The following MYO1G variants were observed in gnomAD, a reference collection of about 807,000 sequenced individuals.
MYO1G encodes unconventional myosin-Ig.
A neutral mutation model predicts 115.3 loss-of-function variants in MYO1G; 65 were observed. The observed-to-expected ratio is 0.56, with a 90% CI of 0.46 to 0.69. MYO1G has a LOEUF of 0.69. Ranked by LOEUF, MYO1G falls within the 30% of genes least tolerant of loss-of-function variation. The probability of loss-of-function intolerance (pLI) is 0.00; values close to 1 mark genes in which losing one functional copy is unlikely to be tolerated. For synonymous variants in MYO1G, 510 were observed against 552.6 expected (o/e 0.92, Z 1.08); for missense variants, 1,204 against 1,393.5 (o/e 0.86, Z 2.16).
intron 4 of MYO1G, 48 bp downstream of exon 4, chr7:44,975,436 G>T (rs1373605879): frequency 6.3e-7 from 1 of 1,577,784 alleles, no homozygotes; most frequent in South Asian, 1.2e-5. Context: ...CCTGGGATGG[G>T]TCTCGGCCAG....
chr7:44,965,429 T>G (rs1794821961), intron 17 of MYO1G, among the ~76,000 whole-genome samples: 1 of 152,188 alleles, frequency 6.6e-6, no homozygotes, highest in Non-Finnish European at 1.5e-5. Context: ...CCCTGGACCT[T>G]GAATGCCCAC....
Position 44,969,699 on chromosome 7 carries a change from G to T in MYO1G, c.1503+6C>A. On this transcript the variant is annotated splice_donor_region_variant and intron_variant, in intron 11 of 21. Coordinates refer to ENST00000258787, the MANE Select transcript of MYO1G (RefSeq NM_033054.3). The surrounding 1 kb of genome is among the most constrained non-coding windows in gnomAD (Gnocchi z 5.0). Reference sequence around the variant, plus strand: ...ACTGTGGTGGCACTGGGACAGCCGGGGGCACCTGGCGGCTGGTGTAGTGTA... The same window carrying T: ...ACTGTGGTGGCACTGGGACAGCCGGTGGCACCTGGCGGCTGGTGTAGTGTA... The T allele has an allele frequency of 6.2e-7, 1 of 1,610,846 alleles. No individual in the cohort carries two copies. Among genetic ancestry groups the T allele is most frequent in the Non-Finnish European group, 8.5e-7 (1 of 1,179,814 alleles).
At position 44,966,023 on chromosome 7, in the gene MYO1G, A is replaced by G. The variant is rs763835301; in HGVS notation, c.2157+50T>C. On this transcript the variant is annotated intron_variant, in intron 16 of 21. Transcript: ENST00000258787. This position sits in a 1 kb window ranked among gnomAD's most constrained non-coding sequence, Gnocchi z 5.0. ...AGTGTGTTTGTGGCCCCTGGGACAC[A>G]AGCTTTCCCCACCTCCATAGTGGAT... 1.9e-6 allele frequency: 3 copies of G among 1,594,118 alleles called. No individual in the cohort carries two copies. The highest frequency in any genetic ancestry group is 2.6e-6 in the Non-Finnish European group (3 of 1,172,004).
At position 44,966,818 on chromosome 7, in the gene MYO1G, G is replaced by A. The variant is rs1265903397; in HGVS notation, c.1803C>T (p.Cys601=). 10 of 1,611,036 alleles carry A rather than the reference G, an allele frequency of 6.2e-6. No homozygotes were observed. In the South Asian group the frequency reaches 1.1e-4, roughly 18 times the overall value. The part of the protein sequence containing the change: ...LASKEPFYVR[C]IKPNEDKVAG... ...CTACCTTGTCCTCATTGGGCTTGAT[G>A]CAGCGGACGTAGAAGGGCTCCTGCA... Residue 601 remains cysteine (C), a synonymous_variant, in exon 15 of 22, where the codon TGC becomes TGT. Transcript: ENST00000258787. The surrounding 1 kb of genome is among the most constrained non-coding windows in gnomAD (Gnocchi z 5.0).
In MYO1G at chr7:44,972,171, G is replaced by T. The variant is rs1381701299; in HGVS notation, c.673C>A (p.Pro225Thr). Residue 225 changes from proline to threonine, a missense_variant, in exon 6 of 22, where the codon CCT (proline) becomes ACT (threonine). Physicochemically the swap from Pro to Thr is conservative, Grantham distance 38 (BLOSUM62 -1). Transcript: ENST00000258787. ...TGGTGTGTGAAATTGTATACAGCAG[G>T]GTTTCTCTCCAAGTGCAGTTCATGC... is the stretch of plus-strand genomic sequence containing the variant. The part of the protein sequence containing the change: ...QLHELHLERN[P>T]AVYNFTHQGA... The T allele has an allele frequency of 2.5e-6, 4 of 1,614,092 alleles. No homozygotes were observed. Among genetic ancestry groups the T allele is most frequent in the Middle Eastern group, 3.3e-4 (2 of 6,060 alleles).
At position 44,964,202 on chromosome 7, in the gene MYO1G, G is replaced by A. The variant is rs978380357; in HGVS notation, c.2632-40C>T. On this transcript the variant is annotated intron_variant, in intron 19 of 21. Transcript: ENST00000258787. This position sits in a 1 kb window ranked among gnomAD's most constrained non-coding sequence, Gnocchi z 5.1. ...GCTGGACCCAGGCTGGTGCTGCCCT[G>A]TCACCCACCAGGGCCCCAGGCTTCG... is the stretch of plus-strand genomic sequence containing the variant. 3.3e-6 allele frequency: 5 copies of A among 1,532,444 alleles called. No homozygotes were observed. The highest frequency in any genetic ancestry group is 1.9e-5 in the Admixed American group (1 of 51,912). 94.9% of individuals were successfully genotyped at this position (1,532,444 alleles called of 1,614,324 possible).
chr7:44,977,249 G>C lies in MYO1G; in HGVS notation c.96-178C>G, dbSNP rs565650528. ...CCTTGCGTCTCCCTGGTGCCATCCTGGGTGAGCTGAGCCACTCAGAGACTG... is the reference window on the plus strand; with the variant it reads ...CCTTGCGTCTCCCTGGTGCCATCCTCGGTGAGCTGAGCCACTCAGAGACTG... On this transcript the variant is annotated intron_variant, in intron 1 of 21. Transcript: ENST00000258787. Among the ~76,000 whole-genome samples, 11 of 152,358 alleles carry C rather than the reference G, an allele frequency of 7.2e-5. No individual in the cohort carries two copies. The South Asian group carries it at 2.3e-3, about 32-fold the overall frequency.
At position 44,963,932 on chromosome 7, in the gene MYO1G, TA is replaced by T; in HGVS notation, c.2745+116del. 1 of 844,352 alleles carries T rather than the reference TA, an allele frequency of 1.2e-6. No individual in the cohort carries two copies. The highest frequency in any genetic ancestry group is 1.6e-5 in the South Asian group (1 of 63,016). The allele number at this position is 844,352 out of a possible 1,614,324, so 52.3% of individuals were successfully genotyped here. A position where few individuals can be genotyped will look rare whatever the true frequency, so the allele number is the denominator to read the frequency against. ...CACGGGTGCCACCATCGCTGAGTTT[TA>T]GGATGGTCTGGGCCATCTCAGGTAA... On this transcript the variant is annotated intron_variant, in intron 20 of 21. Coordinates refer to ENST00000258787, the MANE Select transcript of MYO1G (RefSeq NM_033054.3). The surrounding 1 kb of genome is among the most constrained non-coding windows in gnomAD (Gnocchi z 4.1).
Position 44,965,950 on chromosome 7 carries a change from C to G in MYO1G, c.2158-90G>C. On this transcript the variant is annotated intron_variant, in intron 16 of 21. Transcript: ENST00000258787. Reference sequence around the variant, plus strand: ...AACCTGGCCCTGAGCATTTATTGAGCACTCCCTGGCCTGTCTCCATCAAGC... The same window carrying G: ...AACCTGGCCCTGAGCATTTATTGAGGACTCCCTGGCCTGTCTCCATCAAGC... 3.9e-6 allele frequency: 6 copies of G among 1,534,544 alleles called. No homozygotes were observed. In the South Asian group the frequency reaches 6.8e-5, roughly 17 times the overall value.
chr7:44,968,697 G>A (rs1188274889), intron 12 of MYO1G: 1 of 152,242 alleles, frequency 6.6e-6, no homozygotes. Context: ...TACAGATGAG[G>A]TTTTGCCATG....
chr7:44,975,525 C>T lies in MYO1G; in HGVS notation c.523G>A (p.Asp175Asn). 1 of 1,613,746 alleles carries T rather than the reference C, an allele frequency of 6.2e-7. No homozygotes were observed. The highest frequency in any genetic ancestry group is 2.2e-5 in the East Asian group (1 of 44,876). The change falls in exon 4 of 22, where the codon GAC (aspartate) becomes AAC (asparagine). Residue 175 changes from aspartate to asparagine, a missense_variant. Coordinates refer to ENST00000258787, the MANE Select transcript of MYO1G (RefSeq NM_033054.3). ...YMDINFDFKG[D>N]PIGGHIHSYL... ...CTGTGGATGTGTCCTCCGATCGGGT[C>T]CCCCTTGAAGTCAAAGTTGATGTCC...
At position 44,970,823 on chromosome 7, in the gene MYO1G, C is replaced by A; in HGVS notation, c.1071+12G>T. On this transcript the variant is annotated intron_variant, in intron 8 of 21. Transcript: ENST00000258787. ...TCCTGGGCTTCCCTCCCTGTGCCTG[C>A]CCCCAAAGTACCTTGGCACAGGCAT... 6.2e-7 allele frequency: 1 copy of A among 1,613,610 alleles called. No homozygotes were observed. Among genetic ancestry groups the A allele is most frequent in the Non-Finnish European group, 8.5e-7 (1 of 1,179,964 alleles).
chr7:44,972,099 T>C lies in MYO1G; in HGVS notation c.729+16A>G, dbSNP rs1346075640. On this transcript the variant is annotated intron_variant, in intron 6 of 21. Coordinates refer to ENST00000258787, the MANE Select transcript of MYO1G (RefSeq NM_033054.3). ...CACTGAGCCCAGTTTGAGCCCTTGG[T>C]GCCCCTCACACTCACACTGTGCACA... is the stretch of plus-strand genomic sequence containing the variant. The C allele has an allele frequency of 1.3e-6, 2 of 1,595,280 alleles. No homozygotes were observed. The highest frequency in any genetic ancestry group is 1.1e-5 in the South Asian group (1 of 90,722).
chr7:44,964,323 TG>T lies in MYO1G; in HGVS notation c.2631+91del. The T allele has an allele frequency of 6.5e-6, 9 of 1,388,086 alleles. No homozygotes were observed. The highest frequency in any genetic ancestry group is 9.2e-6 in the Non-Finnish European group (9 of 978,450). 86.0% of individuals were successfully genotyped at this position (1,388,086 alleles called of 1,614,324 possible). On this transcript the variant is annotated intron_variant, in intron 19 of 21. Coordinates refer to ENST00000258787, the MANE Select transcript of MYO1G (RefSeq NM_033054.3). The surrounding 1 kb of genome is among the most constrained non-coding windows in gnomAD (Gnocchi z 5.1). ...GGGGTTGCCTCCATTTTCTCCCAAG[TG>T]CCCCCCCAAAACTCTGCACCAGCTT...
chr7:44,966,094 G>T lies in MYO1G; in HGVS notation c.2136C>A (p.Ile712=). ...LEQSRARLIP[I]IVLLLQKAWR... Reference sequence around the variant, plus strand: ...TCACCTTCTGCAATAGCAGCACAATGATGGGGATGAGGCGGGCTCGGCTCT... The same window carrying T: ...TCACCTTCTGCAATAGCAGCACAATTATGGGGATGAGGCGGGCTCGGCTCT... Residue 712 remains isoleucine, a synonymous_variant, in exon 16 of 22, where the codon ATC becomes ATA. Coordinates refer to ENST00000258787, the MANE Select transcript of MYO1G (RefSeq NM_033054.3). The surrounding 1 kb of genome is among the most constrained non-coding windows in gnomAD (Gnocchi z 5.0). The T allele has an allele frequency of 1.2e-6, 2 of 1,612,896 alleles. No homozygotes were observed. The highest frequency in any genetic ancestry group is 8.5e-7 in the Non-Finnish European group (1 of 1,179,980).
In MYO1G at chr7:44,965,045, A is replaced by G; in HGVS notation, c.2426T>C (p.Met809Thr). ...QLVKNIPPSD[M>T]PQIKAKVAAM... ...GGCCACCTTGGCCTTGATCTGGGGC[A>G]TGTCTGAAGGGGGGATGTTCTTCAC... The change falls in exon 18 of 22, where the codon ATG becomes ACG. Residue 809 changes from methionine (M) to threonine (T), a missense_variant. Transcript: ENST00000258787. 6.2e-7 allele frequency: 1 copy of G among 1,611,088 alleles called. No individual in the cohort carries two copies. The highest frequency in any genetic ancestry group is 8.5e-7 in the Non-Finnish European group (1 of 1,178,222).
intron 9 of MYO1G, 39 bp downstream of exon 9, chr7:44,970,553 G>A: frequency 6.2e-7 from 1 of 1,611,708 alleles, no homozygotes; most frequent in South Asian, 1.1e-5. Flanking sequence ...CAAAGCTGCT[G>A]GGTGTCAGAG....
In MYO1G at chr7:44,964,161, A is replaced by G; in HGVS notation, c.2633T>C (p.Val878Ala). The change falls in exon 20 of 22, where the codon GTG becomes GCG. Residue 878 changes from valine to alanine, a missense_variant and splice_region_variant. Physicochemically the swap from Val to Ala is moderately conservative, Grantham distance 64. Transcript: ENST00000258787. This position sits in a 1 kb window ranked among gnomAD's most constrained non-coding sequence, Gnocchi z 5.1. ...GTTCCGGATCTTGTGGAAGCGGTTC[A>G]CCTGTGGGAGAGGTGGCTGGACCCA... is the stretch of plus-strand genomic sequence containing the variant. ...AVLFSSHVRK[V>A]NRFHKIRNRA... 3 of 1,585,654 alleles carry G rather than the reference A, an allele frequency of 1.9e-6. No individual in the cohort carries two copies. The highest frequency in any genetic ancestry group is 1.7e-6 in the Non-Finnish European group (2 of 1,165,516).
At chr7:44,972,352 T>C in intron 5 of MYO1G, 127 bp from the exon 6 acceptor site, 1 of 699,704 alleles carries the variant, frequency 1.4e-6, no homozygotes, top group Non-Finnish European at 2.5e-6. Flanking sequence ...TGGGGGAAGG[T>C]CAGACAGTGT....
Sources: allele counts gnomAD v4.1 joint callset (sites outside exome capture counted in the v4.1 genomes callset), GRCh38; gene constraint gnomAD v4.1.1; non-coding constraint Gnocchi (gnomAD v3.1); transcripts MANE v1.5; gene names NCBI Gene and HGNC (gene_info 2026-07-23, HGNC 2026-07-21).